BCAS3: variants seen among roughly 807,000 people sequenced by gnomAD.
BCAS3 encodes BCAS4/BCAS3 fusion.
Under a neutral mutation model 116.1 loss-of-function variants are expected in BCAS3, and 53 were observed. The ratio of observed to expected loss-of-function variants is 0.46; its 90% confidence interval spans 0.37 to 0.57. The LOEUF (loss-of-function observed/expected upper bound fraction) is 0.57, where lower values mean the gene tolerates loss of function less well. Among genes scored for constraint, BCAS3 ranks in the 20% least tolerant of loss-of-function variants. The pLI, the probability that BCAS3 is intolerant of heterozygous loss-of-function variation, is 0.00. For synonymous variants in BCAS3, 391 were observed against 408.2 expected, an observed-to-expected ratio of 0.96 and a Z score of 0.51; for missense variants, 917 against 1,165.4, an observed-to-expected ratio of 0.79 and a Z score of 3.10.
chr17:61,116,269 T>TC (rs71148380), intron 22 of BCAS3, among the ~76,000 whole-genome samples: 53 of 151,238 alleles, frequency 3.5e-4, no homozygotes, highest in African/African-American at 7.0e-4. Context: ...AATAAATAAA[T>TC]AAATAAAATA....
At chr17:61,179,473 C>A (rs973979876) in intron 22 of BCAS3, among the ~76,000 whole-genome samples, 6 of 152,076 alleles carry the variant, frequency 3.9e-5, no homozygotes, top group Non-Finnish European at 7.4e-5. Context: ...AGCTTGCAGG[C>A]CTGCCTTTGA....
At chr17:60,833,721 CTT>C (rs769809393) in intron 7 of BCAS3, among the ~76,000 whole-genome samples, 202 of 152,244 alleles carry the variant, frequency 1.3e-3, no homozygotes, top group Non-Finnish European at 2.2e-3. Context: ...TGGTAAGGCA[CTT>C]ATATATTTTC....
chr17:61,368,826 G>C lies in BCAS3; in HGVS notation c.2593+332G>C, dbSNP rs187600433. Among the ~76,000 whole-genome samples, 10 of 152,334 alleles carry C rather than the reference G, an allele frequency of 6.6e-5. No individual in the cohort carries two copies. In the East Asian group the frequency reaches 1.9e-3, roughly 29 times the overall value. On this transcript the variant is annotated intron_variant, in intron 23 of 23. Transcript: ENST00000407086. The surrounding 1 kb of genome is among the most constrained non-coding windows in gnomAD (Gnocchi z 6.0). Reference sequence around the variant, plus strand: ...CGCTCAGGCACTGAGTCCTCAGGTTGTACCTCTTCAGACACGCTGGAGACT... The same window carrying C: ...CGCTCAGGCACTGAGTCCTCAGGTTCTACCTCTTCAGACACGCTGGAGACT...
chr17:61,296,869 T>C (rs1003609029), intron 22 of BCAS3, among the ~76,000 whole-genome samples: 1 of 152,148 alleles, frequency 6.6e-6, no homozygotes, highest in Non-Finnish European at 1.5e-5. Flanking sequence ...ACATAAATGC[T>C]TGGAGTTGTA....
At chr17:61,108,543 G>T in intron 22 of BCAS3, among the ~76,000 whole-genome samples, 1 of 144,240 alleles carries the variant, frequency 6.9e-6, no homozygotes, top group African/African-American at 2.6e-5. Context: ...TTTCTTTTTT[G>T]CCTGCCTTCC....
chr17:60,742,808 A>G (rs973131836), intron 5 of BCAS3, among the ~76,000 whole-genome samples: 3 of 152,034 alleles, frequency 2.0e-5, no homozygotes, highest in African/African-American at 4.8e-5. Context: ...ACAGTAGTAC[A>G]ATGGATAAAA....
rs549399281 is a variant in BCAS3, at chr17:61,344,378, C to T, written c.2426-23949C>T. On this transcript the variant is annotated intron_variant, in intron 22 of 23. Coordinates refer to ENST00000407086, the MANE Select transcript of BCAS3 (RefSeq NM_017679.5). This position sits in a 1 kb window ranked among gnomAD's most constrained non-coding sequence, Gnocchi z 4.1. The stretch of plus-strand genomic sequence containing the variant: ...ACTAATTTCCTTTTAGGCCCAGCTT[C>T]ATCTTCACGGGGACTTTCTTCCATC... 2.6e-5 allele frequency among the ~76,000 whole-genome samples: 4 copies of T among 152,334 alleles called. No individual in the cohort carries two copies. The South Asian group carries it at 8.3e-4, about 32-fold the overall frequency.
chr17:61,108,606 T>TG (rs1601296541), intron 22 of BCAS3, among the ~76,000 whole-genome samples: 1 of 150,234 alleles, frequency 6.7e-6, no homozygotes, highest in East Asian at 2.0e-4. Flanking sequence ...CTATAGTGGT[T>TG]TTTTTTTTTT....
At chr17:60,810,363 G>T in intron 7 of BCAS3, 1 of 444,344 alleles carries the variant, frequency 2.3e-6, no homozygotes, top group South Asian at 1.8e-5. Context: ...TGGTTGTGGG[G>T]ATGGCGGGGG....
At chr17:60,755,616 A>G (rs12601554) in intron 6 of BCAS3, among the ~76,000 whole-genome samples, 109,957 of 152,144 alleles carry the variant, frequency 0.72, 45,424 homozygotes, top group South Asian at 0.97. Context: ...TGGGATTACT[A>G]TGTAATGTAT....
chr17:60,802,303 T>A (rs1382331687), intron 6 of BCAS3, among the ~76,000 whole-genome samples: 22 of 143,948 alleles, frequency 1.5e-4, no homozygotes, highest in African/African-American at 5.7e-4. Context: ...AAAATATATA[T>A]ATATATATAT....
At chr17:61,042,374 AAGATAT>A (rs2067581209) in intron 19 of BCAS3, among the ~76,000 whole-genome samples, 1 of 152,022 alleles carries the variant, frequency 6.6e-6, no homozygotes, top group Admixed American at 6.6e-5. Context: ...CATAGGGGAA[AAGATAT>A]AGCTATATCT....
intron 22 of BCAS3, among the ~76,000 whole-genome samples, chr17:61,360,076 G>A (rs1000113201): frequency 6.7e-6 from 1 of 149,712 alleles, no homozygotes; most frequent in Non-Finnish European, 1.5e-5. Flanking sequence ...GCGCAGCCTC[G>A]GCTCACTGCA....
chr17:61,110,571 G>A (rs1242210235), intron 22 of BCAS3, among the ~76,000 whole-genome samples: 3 of 152,356 alleles, frequency 2.0e-5, no homozygotes, highest in South Asian at 2.1e-4. Flanking sequence ...ATTATATCCC[G>A]CACCTGGCTG....
intron 22 of BCAS3, among the ~76,000 whole-genome samples, chr17:61,250,747 T>A (rs12949134): frequency 1.3e-5 from 2 of 152,146 alleles, no homozygotes; most frequent in African/African-American, 2.4e-5. Flanking sequence ...GAGCTCTGGA[T>A]ACTTGTAGAC....
chr17:60,895,567 T>C (rs1443793830), intron 10 of BCAS3, among the ~76,000 whole-genome samples: 1 of 152,216 alleles, frequency 6.6e-6, no homozygotes, highest in Non-Finnish European at 1.5e-5. Flanking sequence ...CTCTGTTTAT[T>C]ATTTCATTTC....
chr17:60,936,309 T>C (rs9303435), intron 13 of BCAS3, among the ~76,000 whole-genome samples: 21,512 of 135,274 alleles, frequency 0.16, 2,298 homozygotes, highest in African/African-American at 0.3. Context: ...AATAGTGCCA[T>C]AATAAACATA....
intron 5 of BCAS3, among the ~76,000 whole-genome samples, chr17:60,720,674 A>G (rs887729872): frequency 6.6e-6 from 1 of 152,252 alleles, no homozygotes; most frequent in African/African-American, 2.4e-5. Context: ...CTATTTACAT[A>G]GCACATTGTA....
chr17:61,357,893 C>T (rs937849656), intron 22 of BCAS3, among the ~76,000 whole-genome samples: 10 of 151,600 alleles, frequency 6.6e-5, no homozygotes, highest in African/African-American at 9.7e-5. Context: ...GTTCCAGACC[C>T]GCCTGGCCAA....
Sources: allele counts gnomAD v4.1 joint callset (sites outside exome capture counted in the v4.1 genomes callset), GRCh38; gene constraint gnomAD v4.1.1; non-coding constraint Gnocchi (gnomAD v3.1); transcripts MANE v1.5; gene names NCBI Gene and HGNC (gene_info 2026-07-23, HGNC 2026-07-21).